DERL3: variants seen among roughly 807,000 people sequenced by gnomAD.
DERL3 encodes the protein derlin-3.
A neutral mutation model predicts 23.8 loss-of-function variants in DERL3; 20 were observed. That is an observed-to-expected ratio of 0.84 (90% confidence interval 0.59 to 1.22). The LOEUF is 1.22. DERL3 is among the 50% of genes most tolerant of loss of function. The pLI, the probability that DERL3 is intolerant of heterozygous loss-of-function variation, is 0.00. For synonymous variants in DERL3, 145 were observed against 132.5 expected, an observed-to-expected ratio of 1.09 and a Z score of -0.65; for missense variants, 319 against 304.1, an observed-to-expected ratio of 1.05 and a Z score of -0.36.
rs201184117 is a variant in DERL3, at chr22:23,838,516, C to T, written c.233+48G>A. On this transcript the variant is annotated intron_variant, in intron 3 of 6. Coordinates refer to ENST00000318109, the MANE Select transcript of DERL3 (RefSeq NM_001002862.3). ...CCCCGTCCCGGCCTCTCTCCCAGCC[C>T]GGCCGGCCTGCCCTCCACCCAGCCC... 3.6e-5 allele frequency: 57 copies of T among 1,572,646 alleles called. No homozygotes were observed. In the East Asian group the frequency reaches 1.3e-3, roughly 35 times the overall value.
At position 23,836,118 on chromosome 22, in the gene DERL3, T is replaced by C. The variant is rs1274539782; in HGVS notation, c.*751A>G. 1 of 985,208 alleles carries C rather than the reference T, an allele frequency of 1.0e-6. No homozygotes were observed. Among genetic ancestry groups the C allele is most frequent in the Non-Finnish European group, 1.2e-6 (1 of 829,938 alleles). 61.0% of individuals were successfully genotyped at this position (985,208 alleles called of 1,614,324 possible). A position where few individuals can be genotyped will look rare whatever the true frequency, so the allele number is the denominator to read the frequency against. On this transcript the variant is annotated 3_prime_UTR_variant, in exon 7 of 7. Transcript: ENST00000318109. ...GATAAGGCTCACACACGTCCTCAGC[T>C]AAAAAGGGCAGGAACAGAACCTTCC...
chr22:23,837,154 C>T lies in DERL3; in HGVS notation c.524G>A (p.Gly175Glu). 6.2e-7 allele frequency: 1 copy of T among 1,613,808 alleles called. No individual in the cohort carries two copies. The highest frequency in any genetic ancestry group is 1.3e-5 in the African/African-American group (1 of 75,042). ...LGNSILVDLLGIAVGHIYYFL... is the reference protein window; with the variant it reads ...LGNSILVDLLEIAVGHIYYFL... ...GTAGTAGATATGGCCCACCGCAATC[C>T]CTGTGAGACAGCCACGGACTGTGGG... The change falls in exon 6 of 7, where the codon GGG becomes GAG. Residue 175 changes from glycine (G) to glutamate (E), a missense_variant and splice_region_variant. Coordinates refer to ENST00000318109, the MANE Select transcript of DERL3 (RefSeq NM_001002862.3).
chr22:23,835,844 G>A lies in DERL3; in HGVS notation c.*1025C>T. ...TCGGGCAGGGCCACCTGGCTGGGAGGTGCCGGGAAGGCTGGGCCCTCACTC... is the reference window on the plus strand; with the variant it reads ...TCGGGCAGGGCCACCTGGCTGGGAGATGCCGGGAAGGCTGGGCCCTCACTC... On this transcript the variant is annotated 3_prime_UTR_variant, in exon 7 of 7. Transcript: ENST00000318109. 1 of 984,242 alleles carries A rather than the reference G, an allele frequency of 1.0e-6. No individual in the cohort carries two copies. Among genetic ancestry groups the A allele is most frequent in the Non-Finnish European group, 1.2e-6 (1 of 829,582 alleles). 61.0% of individuals were successfully genotyped at this position (984,242 alleles called of 1,614,324 possible).
intron 3 of DERL3, 43 bp downstream of exon 3, chr22:23,838,521 G>A (rs967333239): frequency 6.4e-7 from 1 of 1,573,312 alleles, no homozygotes; most frequent in Non-Finnish European, 8.6e-7. Context: ...CAGCCCGGCC[G>A]GCCTGCCCTC....
At chr22:23,837,553 G>A (rs990507852) in intron 5 of DERL3, 106 bp downstream of exon 5, 3 of 1,191,546 alleles carry the variant, frequency 2.5e-6, no homozygotes, top group Non-Finnish European at 3.5e-6. Context: ...GGAGCCAGGT[G>A]TGAGGAGAAC....
In DERL3 at chr22:23,837,116, C is replaced by T. The variant is rs369004034; in HGVS notation, c.562G>A (p.Val188Ile). 3.3e-5 allele frequency: 53 copies of T among 1,613,880 alleles called. 2 individuals carry two copies. Among genetic ancestry groups the T allele is most frequent in the East Asian group, 1.6e-4 (7 of 44,882 alleles). The change falls in exon 6 of 7, where the codon GTC (valine) becomes ATC (isoleucine). Residue 188 changes from valine to isoleucine, a missense_variant. Val to Ile is a conservative substitution (Grantham distance 29). Transcript: ENST00000318109. ...TTGCCTCCAGGCTGGTTGGGGAAGA[C>T]GTCCTCCAGGAAGTAGTAGATATGG... Reference protein sequence around the residue: ...VGHIYYFLEDVFPNQPGGKRL... With the variant: ...VGHIYYFLEDIFPNQPGGKRL...
Position 23,837,042 on chromosome 22 carries a change from A to C in DERL3, c.614+22T>G, listed in dbSNP as rs568972029. 1.4e-5 allele frequency: 18 copies of C among 1,320,174 alleles called. No individual in the cohort carries two copies. The African/African-American group carries it at 2.5e-4, about 18-fold the overall frequency. The allele number at this position is 1,320,174 out of a possible 1,614,324, so 81.8% of individuals were successfully genotyped here. On this transcript the variant is annotated intron_variant, in intron 6 of 6. Coordinates refer to ENST00000318109, the MANE Select transcript of DERL3 (RefSeq NM_001002862.3). ...GATCCTTCTGAGGGTGGGGAGAGGGAGGGAGGGCTCTCAACACTCACAGGA... is the reference window on the plus strand; with the variant it reads ...GATCCTTCTGAGGGTGGGGAGAGGGCGGGAGGGCTCTCAACACTCACAGGA...
chr22:23,838,215 A>G (rs757458886), intron 4 of DERL3, 137 bp downstream of exon 4: 5 of 1,549,180 alleles, frequency 3.2e-6, no homozygotes. Context: ...CTGAGCACAG[A>G]GTGGGCCCTC....
In DERL3 at chr22:23,836,608, C is replaced by G; in HGVS notation, c.*261G>C. Reference sequence around the variant, plus strand: ...AGGCAACCATGGGCAGTTTCTTTGCCCTCTGTGGGCACCCCTATCCTACCA... The same window carrying G: ...AGGCAACCATGGGCAGTTTCTTTGCGCTCTGTGGGCACCCCTATCCTACCA... On this transcript the variant is annotated 3_prime_UTR_variant, in exon 7 of 7. Coordinates refer to ENST00000318109, the MANE Select transcript of DERL3 (RefSeq NM_001002862.3). 8.3e-7 allele frequency: 1 copy of G among 1,200,796 alleles called. No individual in the cohort carries two copies. The highest frequency in any genetic ancestry group is 1.0e-6 in the Non-Finnish European group (1 of 970,094). 74.4% of individuals were successfully genotyped at this position (1,200,796 alleles called of 1,614,324 possible).
Position 23,835,128 on chromosome 22 carries a change from G to T in DERL3, c.*1741C>A. On this transcript the variant is annotated 3_prime_UTR_variant, in exon 7 of 7. Coordinates refer to ENST00000318109, the MANE Select transcript of DERL3 (RefSeq NM_001002862.3). Reference sequence around the variant, plus strand: ...ATATGGGAATAGCCCTCCCGGCCTGGTGCCAGCTCTTGGAGTTGACACGGT... The same window carrying T: ...ATATGGGAATAGCCCTCCCGGCCTGTTGCCAGCTCTTGGAGTTGACACGGT... The T allele has an allele frequency of 7.3e-7, 1 of 1,369,446 alleles. No individual in the cohort carries two copies. The allele number at this position is 1,369,446 out of a possible 1,614,324, so 84.8% of individuals were successfully genotyped here. A position where few individuals can be genotyped will look rare whatever the true frequency, so the allele number is the denominator to read the frequency against.
At chr22:23,837,964 CTCA>C (rs2031235891) in intron 4 of DERL3, 110 bp from the exon 5 acceptor site, 3 of 1,292,094 alleles carry the variant, frequency 2.3e-6, no homozygotes, top group Non-Finnish European at 3.1e-6. Context: ...GTGCTATTCC[CTCA>C]TCAAGATGAG....
At position 23,838,336 on chromosome 22, in the gene DERL3, C is replaced by T. The variant is rs760501541; in HGVS notation, c.327+16G>A. 1.1e-5 allele frequency: 18 copies of T among 1,589,956 alleles called. No individual in the cohort carries two copies. The highest frequency in any genetic ancestry group is 1.5e-5 in the Non-Finnish European group (18 of 1,168,662). ...GGCGCCCTAGCCCGAGGTTCCAGAGCCTGCGGGAAGGATACGGTCATAAGG... is the reference window on the plus strand; with the variant it reads ...GGCGCCCTAGCCCGAGGTTCCAGAGTCTGCGGGAAGGATACGGTCATAAGG... On this transcript the variant is annotated intron_variant, in intron 4 of 6. Coordinates refer to ENST00000318109, the MANE Select transcript of DERL3 (RefSeq NM_001002862.3).
chr22:23,836,412 T>C lies in DERL3; in HGVS notation c.*457A>G, dbSNP rs2031052527. The stretch of plus-strand genomic sequence containing the variant: ...GGCACAACCTAGGAGACGCCTGTCC[T>C]GGCCCCAGCAGCCGAAATCTGGTGA... On this transcript the variant is annotated 3_prime_UTR_variant, in exon 7 of 7. Coordinates refer to ENST00000318109, the MANE Select transcript of DERL3 (RefSeq NM_001002862.3). The C allele has an allele frequency of 1.0e-6, 1 of 987,516 alleles. No individual in the cohort carries two copies. The allele number at this position is 987,516 out of a possible 1,614,324, so 61.2% of individuals were successfully genotyped here. A position where few individuals can be genotyped will look rare whatever the true frequency, so the allele number is the denominator to read the frequency against.
In DERL3 at chr22:23,836,861, G is replaced by T; in HGVS notation, c.*8C>A. 6.9e-7 allele frequency: 1 copy of T among 1,459,740 alleles called. No individual in the cohort carries two copies. The highest frequency in any genetic ancestry group is 1.5e-5 in the South Asian group (1 of 67,804). 90.4% of individuals were successfully genotyped at this position (1,459,740 alleles called of 1,614,324 possible). ...CAGAAGCCTCTTAGGCCTGGCCCTG[G>T]GTGGGGGTCACTGCTGCGGGGGTGG... On this transcript the variant is annotated 3_prime_UTR_variant, in exon 7 of 7. Transcript: ENST00000318109.
chr22:23,837,083 G>A lies in DERL3; in HGVS notation c.595C>T (p.Leu199=). ...FPNQPGGKRL[L]QTPGFLKLLL... is the part of the protein sequence containing the mutation. ...ACTCACAGGAAGCCAGGGGTCTGCA[G>A]GAGCCTCTTGCCTCCAGGCTGGTTG... The change falls in exon 6 of 7, where the codon CTG becomes TTG. Residue 199 remains leucine (L), a synonymous_variant. Transcript: ENST00000318109. 6.2e-7 allele frequency: 1 copy of A among 1,613,978 alleles called. No homozygotes were observed. The highest frequency in any genetic ancestry group is 8.5e-7 in the Non-Finnish European group (1 of 1,179,924).
At position 23,835,761 on chromosome 22, in the gene DERL3, G is replaced by GC. The variant is rs2030996169; in HGVS notation, c.*1107dup. On this transcript the variant is annotated 3_prime_UTR_variant, in exon 7 of 7. Coordinates refer to ENST00000318109, the MANE Select transcript of DERL3 (RefSeq NM_001002862.3). The stretch of plus-strand genomic sequence containing the variant: ...ACCTCGGCAATGAAAGGGTGAGGCA[G>GC]CCCTGTGTCTCCACAACTGGGGGGA... The GC allele has an allele frequency of 1.0e-6, 1 of 985,496 alleles. No individual in the cohort carries two copies. The highest frequency in any genetic ancestry group is 6.1e-5 in the Admixed American group (1 of 16,296). 61.0% of individuals were successfully genotyped at this position (985,496 alleles called of 1,614,324 possible). A position where few individuals can be genotyped will look rare whatever the true frequency, so the allele number is the denominator to read the frequency against.
chr22:23,834,781 C>G lies in DERL3; in HGVS notation c.*2088G>C, dbSNP rs1323050890. On this transcript the variant is annotated 3_prime_UTR_variant, in exon 7 of 7. Transcript: ENST00000318109. ...GCTGTGAGGCTCAGGGCAAGAGGCT[C>G]TCTGCCTTTCAGGAACAGCCCTAAC... 3.8e-6 allele frequency: 6 copies of G among 1,577,220 alleles called. No homozygotes were observed. Among genetic ancestry groups the G allele is most frequent in the Non-Finnish European group, 5.2e-6 (6 of 1,163,252 alleles).
Position 23,836,275 on chromosome 22 carries a change from G to C in DERL3, c.*594C>G, listed in dbSNP as rs1421755235. On this transcript the variant is annotated 3_prime_UTR_variant, in exon 7 of 7. Coordinates refer to ENST00000318109, the MANE Select transcript of DERL3 (RefSeq NM_001002862.3). ...AATCCATGGGGCTTTGGCATCACCA[G>C]ATGAAAAATGAGGCATACGCCCACC... 1.0e-6 allele frequency: 1 copy of C among 985,376 alleles called. No homozygotes were observed. The highest frequency in any genetic ancestry group is 1.1e-4 in the East Asian group (1 of 8,826). 61.0% of individuals were successfully genotyped at this position (985,376 alleles called of 1,614,324 possible).
In DERL3 at chr22:23,838,571, G is replaced by C. The variant is rs758963009; in HGVS notation, c.226C>G (p.Leu76Val). 10 of 1,586,588 alleles carry C rather than the reference G, an allele frequency of 6.3e-6. No individual in the cohort carries two copies. The highest frequency in any genetic ancestry group is 3.6e-5 in the Admixed American group (2 of 55,984). The change falls in exon 3 of 7, where the codon CTC (leucine) becomes GTC (valine). Residue 76 changes from leucine to valine, a missense_variant. Transcript: ENST00000318109. ...CCGCAGGGCGCAGGATACACGAAGA[G>C]CATGTTGAAGAAGAAGCTGAATCCC... is the stretch of plus-strand genomic sequence containing the variant. ...PLGFSFFFNM[L>V]FVFRYCRMLE... is the part of the protein sequence containing the mutation.
Sources: allele counts gnomAD v4.1 joint callset, GRCh38; gene constraint gnomAD v4.1.1; transcripts MANE v1.5; gene names NCBI Gene and HGNC (gene_info 2026-07-23, HGNC 2026-07-21).